Variants in FOS observed in about 807,000 individuals in gnomAD.
The protein encoded by FOS is Fos proto-oncogene, AP-1 transcription factor subunit, also known as protein c-Fos.
In FOS, 9 loss-of-function variants were observed where a neutral mutation model predicts 27.2. That is an observed-to-expected ratio of 0.33 (90% CI 0.20 to 0.58). The LOEUF (loss-of-function observed/expected upper bound fraction) is 0.58, where lower values mean the gene tolerates loss of function less well. Among genes scored for constraint, FOS ranks in the 20% least tolerant of loss-of-function variants. FOS has a pLI of 0.87. For synonymous variants in FOS, 213 were observed against 205.1 expected (o/e 1.04, Z -0.33); for missense variants, 405 against 483.5 (o/e 0.84, Z 1.52).
rs543311519 is a variant in FOS, at chr14:75,278,953, C to A, written c.-30C>A. The A allele has an allele frequency of 2.4e-5, 38 of 1,612,500 alleles. No homozygotes were observed. The East Asian group carries it at 8.0e-4, about 34-fold the overall frequency. On this transcript the variant is annotated 5_prime_UTR_variant, in exon 1 of 4. Transcript: ENST00000303562. The surrounding 1 kb of genome is among the most constrained non-coding windows in gnomAD (Gnocchi z 4.1). ...GCGCCCACCTGTCTCCGCCCCTCGG[C>A]CCCTCGCCCGGCTTTGCCTAACCGC...
rs1397939154 is a variant in FOS, at chr14:75,278,938, G to C, written c.-45G>C. 6.2e-7 allele frequency: 1 copy of C among 1,610,564 alleles called. No homozygotes were observed. Among genetic ancestry groups the C allele is most frequent in the South Asian group, 1.1e-5 (1 of 90,732 alleles). ...CAGCTCTGCTCCACAGCGCCCACCT[G>C]TCTCCGCCCCTCGGCCCCTCGCCCG... On this transcript the variant is annotated 5_prime_UTR_variant, in exon 1 of 4. Coordinates refer to ENST00000303562, the MANE Select transcript of FOS (RefSeq NM_005252.4). This position sits in a 1 kb window ranked among gnomAD's most constrained non-coding sequence, Gnocchi z 4.1.
chr14:75,279,201 T>C lies in FOS; in HGVS notation c.141+78T>C. On this transcript the variant is annotated intron_variant, in intron 1 of 3. Transcript: ENST00000303562. This position sits in a 1 kb window ranked among gnomAD's most constrained non-coding sequence, Gnocchi z 5.4. Reference sequence around the variant, plus strand: ...GGAGACACCGGGCGGGACGCTCCAGTAGATGAGTAGGGGGCTCCCTTGTGC... The same window carrying C: ...GGAGACACCGGGCGGGACGCTCCAGCAGATGAGTAGGGGGCTCCCTTGTGC... 2.5e-6 allele frequency: 4 copies of C among 1,575,930 alleles called. No individual in the cohort carries two copies. Among genetic ancestry groups the C allele is most frequent in the Non-Finnish European group, 3.4e-6 (4 of 1,159,988 alleles).
chr14:75,279,738 C>A lies in FOS; in HGVS notation c.142-139C>A. 1.9e-6 allele frequency: 2 copies of A among 1,025,964 alleles called. No individual in the cohort carries two copies. Among genetic ancestry groups the A allele is most frequent in the Non-Finnish European group, 2.9e-6 (2 of 697,354 alleles). 63.6% of individuals were successfully genotyped at this position (1,025,964 alleles called of 1,614,324 possible). A position where few individuals can be genotyped will look rare whatever the true frequency, so the allele number is the denominator to read the frequency against. On this transcript the variant is annotated intron_variant, in intron 1 of 3. Coordinates refer to ENST00000303562, the MANE Select transcript of FOS (RefSeq NM_005252.4). The surrounding 1 kb of genome is among the most constrained non-coding windows in gnomAD (Gnocchi z 5.4). The stretch of plus-strand genomic sequence containing the variant: ...GAGGAAAAGGGGGAGACCTTTCATC[C>A]AGGATGAGGGACATTTAAGATGAAA...
At position 75,280,899 on chromosome 14, in the gene FOS, C is replaced by T. The variant is rs1897221507; in HGVS notation, c.618C>T (p.Ile206=). The T allele has an allele frequency of 1.9e-6, 3 of 1,614,034 alleles. No homozygotes were observed. The highest frequency in any genetic ancestry group is 1.7e-6 in the Non-Finnish European group (2 of 1,180,034). Residue 206 remains isoleucine, a synonymous_variant, in exon 4 of 4, where the codon ATC becomes ATT. Transcript: ENST00000303562. The part of the protein sequence containing the change: ...ILAAHRPACK[I]PDDLGFPEEM... ...CAGCTCACCGACCTGCCTGCAAGAT[C>T]CCTGATGACCTGGGCTTCCCAGAAG...
chr14:75,280,345 G>A lies in FOS; in HGVS notation c.394-215G>A, dbSNP rs1021048802. ...TAGTTTCTTCCCTAAGTTTCTTACCGCATGCTTTCAGACTGGGCTCTTCTT... is the reference window on the plus strand; with the variant it reads ...TAGTTTCTTCCCTAAGTTTCTTACCACATGCTTTCAGACTGGGCTCTTCTT... On this transcript the variant is annotated intron_variant, in intron 2 of 3. Transcript: ENST00000303562. 1.1e-5 allele frequency: 8 copies of A among 703,816 alleles called. No individual in the cohort carries two copies. In the East Asian group the frequency reaches 1.6e-4, roughly 14 times the overall value. The allele number at this position is 703,816 out of a possible 1,614,324, so 43.6% of individuals were successfully genotyped here.
Position 75,279,799 on chromosome 14 carries a change from T to TG in FOS, c.142-77dup, listed in dbSNP as rs1441300421. 1 of 1,480,898 alleles carries TG rather than the reference T, an allele frequency of 6.8e-7. No individual in the cohort carries two copies. The highest frequency in any genetic ancestry group is 1.4e-5 in the African/African-American group (1 of 71,050). The allele number at this position is 1,480,898 out of a possible 1,614,324, so 91.7% of individuals were successfully genotyped here. A position where few individuals can be genotyped will look rare whatever the true frequency, so the allele number is the denominator to read the frequency against. On this transcript the variant is annotated intron_variant, in intron 1 of 3. Transcript: ENST00000303562. This position sits in a 1 kb window ranked among gnomAD's most constrained non-coding sequence, Gnocchi z 5.4. ...AGGATCGTTTCTCTTCACTGCTGCA[T>TG]GCGGCACTGGGAACTCGCCCCACCT... is the stretch of plus-strand genomic sequence containing the variant.
rs766815992 is a variant in FOS at position 75,281,131 on chromosome 14, G to C, written c.850G>C (p.Glu284Gln). The C allele has an allele frequency of 1.9e-6, 3 of 1,609,574 alleles. No individual in the cohort carries two copies. The East Asian group carries it at 6.7e-5, about 36-fold the overall frequency. ...FPASSRPSGS[E>Q]TARSVPDMDL... is the part of the protein sequence containing the mutation. ...AGCATCATCCAGGCCCAGTGGCTCTGAGACAGCCCGCTCCGTGCCAGACAT... is the reference window on the plus strand; with the variant it reads ...AGCATCATCCAGGCCCAGTGGCTCTCAGACAGCCCGCTCCGTGCCAGACAT... The change falls in exon 4 of 4, where the codon GAG becomes CAG. Residue 284 changes from glutamate (E) to glutamine (Q), a missense_variant. Coordinates refer to ENST00000303562, the MANE Select transcript of FOS (RefSeq NM_005252.4). This position sits in a 1 kb window ranked among gnomAD's most constrained non-coding sequence, Gnocchi z 4.7.
At chr14:75,280,186 C>G in intron 2 of FOS, 58 bp downstream of exon 2, 2 of 1,610,716 alleles carry the variant, frequency 1.2e-6, no homozygotes, top group Non-Finnish European at 1.7e-6. Context: ...GAAGCAGCCC[C>G]GGAGATGCAG....
rs1328125647 is a variant in FOS at position 75,281,927 on chromosome 14, GAAAT to G, written c.*509_*512del. 3 of 162,110 alleles carry G rather than the reference GAAAT, an allele frequency of 1.9e-5. No homozygotes were observed. The highest frequency in any genetic ancestry group is 2.8e-5 in the Non-Finnish European group (2 of 72,402). The allele number at this position is 162,110 out of a possible 1,614,324, so 10.0% of individuals were successfully genotyped here. On this transcript the variant is annotated 3_prime_UTR_variant, in exon 4 of 4. Coordinates refer to ENST00000303562, the MANE Select transcript of FOS (RefSeq NM_005252.4). The surrounding 1 kb of genome is among the most constrained non-coding windows in gnomAD (Gnocchi z 4.7). Reference sequence around the variant, plus strand: ...ATACGACTTTATTTTCTGGTAGATAGAAATAAATAGCTATATCCATGTACTGTAG... The same window carrying G: ...ATACGACTTTATTTTCTGGTAGATAGAAATAGCTATATCCATGTACTGTAG...
Position 75,281,954 on chromosome 14 carries a change from T to C in FOS, c.*530T>C, listed in dbSNP as rs1897234081. 1 of 156,036 alleles carries C rather than the reference T, an allele frequency of 6.4e-6. No homozygotes were observed. Among genetic ancestry groups the C allele is most frequent in the African/African-American group, 2.4e-5 (1 of 41,468 alleles). The allele number at this position is 156,036 out of a possible 1,614,324, so 9.7% of individuals were successfully genotyped here. The stretch of plus-strand genomic sequence containing the variant: ...AATAAATAGCTATATCCATGTACTG[T>C]AGTTTTTCTTCAACATCAATGTTCA... On this transcript the variant is annotated 3_prime_UTR_variant, in exon 4 of 4. Transcript: ENST00000303562. This position sits in a 1 kb window ranked among gnomAD's most constrained non-coding sequence, Gnocchi z 4.7.
rs1220556028 is a variant in FOS, at chr14:75,280,090, C to A, written c.355C>A (p.Arg119=). 1 of 1,614,054 alleles carries A rather than the reference C, an allele frequency of 6.2e-7. No individual in the cohort carries two copies. The highest frequency in any genetic ancestry group is 2.2e-5 in the East Asian group (1 of 44,882). ...AGVVKTMTGG[R]AQSIGRRGKV... Reference sequence around the variant, plus strand: ...CGTTGTGAAGACCATGACAGGAGGCCGAGCGCAGAGCATTGGCAGGAGGGG... The same window carrying A: ...CGTTGTGAAGACCATGACAGGAGGCAGAGCGCAGAGCATTGGCAGGAGGGG... Residue 119 remains arginine (R), a synonymous_variant, in exon 2 of 4, where the codon CGA becomes AGA. Coordinates refer to ENST00000303562, the MANE Select transcript of FOS (RefSeq NM_005252.4).
rs377565128 is a variant in FOS, at chr14:75,279,963, G to A, written c.228G>A (p.Leu76=). Residue 76 remains leucine (L), a synonymous_variant, in exon 2 of 4, where the codon CTG becomes CTA. Coordinates refer to ENST00000303562, the MANE Select transcript of FOS (RefSeq NM_005252.4). This position sits in a 1 kb window ranked among gnomAD's most constrained non-coding sequence, Gnocchi z 5.4. ...AISTSPDLQW[L]VQPALVSSVA... ...CGACCAGTCCGGACCTGCAGTGGCT[G>A]GTGCAGCCCGCCCTCGTCTCCTCCG... 1.2e-5 allele frequency: 20 copies of A among 1,614,048 alleles called. No individual in the cohort carries two copies. The highest frequency in any genetic ancestry group is 1.6e-5 in the Non-Finnish European group (19 of 1,180,042).
At chr14:75,280,208 A>T in intron 2 of FOS, 80 bp downstream of exon 2, 1 of 1,591,536 alleles carries the variant, frequency 6.3e-7, no homozygotes. Context: ...AGCCCAGTAC[A>T]GAGGATGAAG....
At position 75,281,767 on chromosome 14, in the gene FOS, G is replaced by T; in HGVS notation, c.*343G>T. The T allele has an allele frequency of 3.4e-6, 1 of 294,406 alleles. No individual in the cohort carries two copies. Among genetic ancestry groups the T allele is most frequent in the Non-Finnish European group, 6.5e-6 (1 of 154,058 alleles). 18.2% of individuals were successfully genotyped at this position (294,406 alleles called of 1,614,324 possible). On this transcript the variant is annotated 3_prime_UTR_variant, in exon 4 of 4. Transcript: ENST00000303562. This position sits in a 1 kb window ranked among gnomAD's most constrained non-coding sequence, Gnocchi z 4.7. ...TTCTCATAGCATTAACTAATCTATT[G>T]GGTTCATTATTGGAATTAACCTGGT...
chr14:75,280,032 C>A lies in FOS; in HGVS notation c.297C>A (p.Pro99=), dbSNP rs1255419114. The A allele has an allele frequency of 1.2e-6, 2 of 1,614,154 alleles. No homozygotes were observed. Among genetic ancestry groups the A allele is most frequent in the Non-Finnish European group, 1.7e-6 (2 of 1,180,034 alleles). ...QTRAPHPFGV[P]APSAGAYSRA... ...GAGCCCCTCACCCTTTCGGAGTCCC[C>A]GCCCCCTCCGCTGGGGCTTACTCCA... The change falls in exon 2 of 4, where the codon CCC becomes CCA. Residue 99 remains proline (P), a synonymous_variant. Coordinates refer to ENST00000303562, the MANE Select transcript of FOS (RefSeq NM_005252.4).
chr14:75,280,400 T>C, intron 2 of FOS, 160 bp from the exon 3 acceptor site: 1 of 694,094 alleles, frequency 1.4e-6, no homozygotes, highest in East Asian at 2.7e-5. Context: ...TTATTTTAAA[T>C]GCAAGTCACA....
intron 2 of FOS, 176 bp downstream of exon 2, chr14:75,280,304 C>G: frequency 1.2e-6 from 1 of 819,450 alleles, no homozygotes; most frequent in Admixed American, 2.3e-5. Context: ...GAGTCTCACC[C>G]TAAGAAGTAC....
Position 75,280,007 on chromosome 14 carries a change from G to C in FOS, c.272G>C (p.Arg91Thr), listed in dbSNP as rs373077681. ...LVSSVAPSQT[R>T]APHPFGVPAP... ...TCCTCCGTGGCCCCATCGCAGACCAGAGCCCCTCACCCTTTCGGAGTCCCC... is the reference window on the plus strand; with the variant it reads ...TCCTCCGTGGCCCCATCGCAGACCACAGCCCCTCACCCTTTCGGAGTCCCC... Residue 91 changes from arginine to threonine, a missense_variant, in exon 2 of 4, where the codon AGA becomes ACA. Physicochemically the swap from Arg to Thr is moderately conservative, Grantham distance 71. Coordinates refer to ENST00000303562, the MANE Select transcript of FOS (RefSeq NM_005252.4). 1.7e-5 allele frequency: 28 copies of C among 1,614,022 alleles called. No homozygotes were observed. Among genetic ancestry groups the C allele is most frequent in the African/African-American group, 6.7e-5 (5 of 74,908 alleles).
Position 75,279,782 on chromosome 14 carries a change from T to G in FOS, c.142-95T>G. On this transcript the variant is annotated intron_variant, in intron 1 of 3. Coordinates refer to ENST00000303562, the MANE Select transcript of FOS (RefSeq NM_005252.4). The surrounding 1 kb of genome is among the most constrained non-coding windows in gnomAD (Gnocchi z 5.4). ...GATGAAATGTCCGTGGCAGGATCGT[T>G]TCTCTTCACTGCTGCATGCGGCACT... 1 of 1,387,620 alleles carries G rather than the reference T, an allele frequency of 7.2e-7. No homozygotes were observed. Among genetic ancestry groups the G allele is most frequent in the Non-Finnish European group, 9.8e-7 (1 of 1,016,668 alleles). 86.0% of individuals were successfully genotyped at this position (1,387,620 alleles called of 1,614,324 possible). A position where few individuals can be genotyped will look rare whatever the true frequency, so the allele number is the denominator to read the frequency against.
Sources: allele counts gnomAD v4.1 joint callset, GRCh38; gene constraint gnomAD v4.1.1; non-coding constraint Gnocchi (gnomAD v3.1); transcripts MANE v1.5; gene names NCBI Gene and HGNC (gene_info 2026-07-23, HGNC 2026-07-21).